Variants in MEGF8 observed in about 807,000 individuals in gnomAD.
MEGF8 encodes the protein multiple EGF like domains 8, also known as multiple epidermal growth factor-like domains protein 8.
In MEGF8, 156 loss-of-function variants were observed where a neutral mutation model predicts 302.9. The observed-to-expected ratio is 0.52, with a 90% CI of 0.45 to 0.59. The LOEUF is 0.59. Ranked by LOEUF, MEGF8 falls within the 20% of genes least tolerant of loss-of-function variation. The pLI is 0.00. For missense variants in MEGF8, 3,345 were observed against 3,964.5 expected (o/e 0.84, Z 4.20); for synonymous variants, 1,621 against 1,660.5 (o/e 0.98, Z 0.58).
At chr19:42,330,522 T>G (rs1568554287) in intron 1 of MEGF8, among the ~76,000 whole-genome samples, 3 of 152,232 alleles carry the variant, frequency 2.0e-5, no homozygotes, top group South Asian at 4.1e-4. Context: ...AAAGCATGGG[T>G]GGGGTCTGTG....
At chr19:42,338,042 G>C (rs2039156738) in intron 8 of MEGF8, among the ~76,000 whole-genome samples, 3 of 152,030 alleles carry the variant, frequency 2.0e-5, no homozygotes, top group Middle Eastern at 3.4e-3. Flanking sequence ...CTGACCTCAA[G>C]TGATCCTCCC....
At position 42,359,199 on chromosome 19, in the gene MEGF8, C is replaced by T. The variant is rs1327025493; in HGVS notation, c.5445C>T (p.Leu1815=). Residue 1815 remains leucine, a synonymous_variant, in exon 31 of 42, where the codon CTC becomes CTT. Transcript: ENST00000251268. Reference sequence around the variant, plus strand: ...ACGAGTTCAGCAGCGACGTTCTGCTCTACCAGGTCAACTGCAATGCCTGGC... The same window carrying T: ...ACGAGTTCAGCAGCGACGTTCTGCTTTACCAGGTCAACTGCAATGCCTGGC... The part of the protein sequence containing the change: ...DPDEFSSDVL[L]YQVNCNAWLL... 6.2e-7 allele frequency: 1 copy of T among 1,601,166 alleles called. No individual in the cohort carries two copies. The highest frequency in any genetic ancestry group is 2.2e-5 in the East Asian group (1 of 44,548).
In MEGF8 at chr19:42,368,749, A is replaced by G; in HGVS notation, c.6481+87A>G. 1 of 1,555,694 alleles carries G rather than the reference A, an allele frequency of 6.4e-7. No homozygotes were observed. Among genetic ancestry groups the G allele is most frequent in the Non-Finnish European group, 8.7e-7 (1 of 1,151,528 alleles). On this transcript the variant is annotated intron_variant, in intron 36 of 41. Coordinates refer to ENST00000251268, the MANE Select transcript of MEGF8 (RefSeq NM_001271938.2). The surrounding 1 kb of genome is among the most constrained non-coding windows in gnomAD (Gnocchi z 4.9). ...AACATAGGGATACTGGGCCAGACCC[A>G]GAGGTGGGGCTCAGAGGAGGCAGGA...
At chr19:42,346,984 C>CAAAAAAAAAAAAAA (rs767117534) in intron 12 of MEGF8, among the ~76,000 whole-genome samples, 1 of 49,806 alleles carries the variant, frequency 2.0e-5, no homozygotes, top group South Asian at 7.1e-4. Context: ...GACTCTGTCT[C>CAAAAAAAAAAAAAA]AAAAAAAAAA....
chr19:42,358,689 GT>G lies in MEGF8; in HGVS notation c.5176-95del. 7.2e-7 allele frequency: 1 copy of G among 1,379,772 alleles called. No homozygotes were observed. Among genetic ancestry groups the G allele is most frequent in the African/African-American group, 1.5e-5 (1 of 68,292 alleles). The allele number at this position is 1,379,772 out of a possible 1,614,324, so 85.5% of individuals were successfully genotyped here. A position where few individuals can be genotyped will look rare whatever the true frequency, so the allele number is the denominator to read the frequency against. On this transcript the variant is annotated intron_variant, in intron 29 of 41. Transcript: ENST00000251268. The surrounding 1 kb of genome is among the most constrained non-coding windows in gnomAD (Gnocchi z 4.4). ...TCTGCACTGGTTAGAGAGGCTGGTG[GT>G]TTCAGTCCACACGTTTCCAAGCCCG... is the stretch of plus-strand genomic sequence containing the variant.
intron 32 of MEGF8, 66 bp from the exon 33 acceptor site, chr19:42,362,024 A>G: frequency 6.3e-7 from 1 of 1,585,954 alleles, no homozygotes. Flanking sequence ...CCTGCAGGAC[A>G]GTGTCTGGGA....
chr19:42,336,364 T>C lies in MEGF8; in HGVS notation c.1244+18T>C. ...ACTGCCCGGTAAGTGACCTGTCCCA[T>C]AACCCATGCTCCACAGGCCAGGCCC... is the stretch of plus-strand genomic sequence containing the variant. On this transcript the variant is annotated intron_variant, in intron 6 of 41. Coordinates refer to ENST00000251268, the MANE Select transcript of MEGF8 (RefSeq NM_001271938.2). The surrounding 1 kb of genome is among the most constrained non-coding windows in gnomAD (Gnocchi z 4.8). 6.4e-7 allele frequency: 1 copy of C among 1,570,958 alleles called. No individual in the cohort carries two copies. Among genetic ancestry groups the C allele is most frequent in the South Asian group, 1.2e-5 (1 of 85,648 alleles).
chr19:42,335,109 G>A lies in MEGF8; in HGVS notation c.633G>A (p.Gly211=), dbSNP rs1459456873. The change falls in exon 4 of 42, where the codon GGG becomes GGA. Residue 211 remains glycine (G), a synonymous_variant. Transcript: ENST00000251268. ...ACCTGCACCTGTGGGAGAACCAGGG[G>A]GCTGGGTGGTGGCACAACGTGAGTG... ...ACDLHLWENQ[G]AGWWHNVSAR... 2.5e-6 allele frequency: 4 copies of A among 1,613,928 alleles called. No homozygotes were observed. Among genetic ancestry groups the A allele is most frequent in the Middle Eastern group, 1.6e-4 (1 of 6,062 alleles).
chr19:42,332,751 A>G (rs1465215443), intron 1 of MEGF8, among the ~76,000 whole-genome samples: 1 of 152,192 alleles, frequency 6.6e-6, no homozygotes, highest in Non-Finnish European at 1.5e-5. Flanking sequence ...TCTTCTTATG[A>G]TCTAGCCTTG....
chr19:42,330,410 A>C (rs1172220786), intron 1 of MEGF8, among the ~76,000 whole-genome samples: 1 of 152,166 alleles, frequency 6.6e-6, no homozygotes, highest in East Asian at 1.9e-4. Context: ...ACAAAGATGT[A>C]CTTGTGATTC....
At chr19:42,343,771 C>G in intron 9 of MEGF8, 140 bp downstream of exon 9, 1 of 1,366,986 alleles carries the variant, frequency 7.3e-7, no homozygotes, top group South Asian at 1.5e-5. Context: ...AAGGAGGTCC[C>G]TGGGGCAGAG....
rs111865089 is a variant in MEGF8 at position 42,334,212 on chromosome 19, C to G, written c.557C>G (p.Ser186Trp). The change falls in exon 3 of 42, where the codon TCG becomes TGG. Residue 186 changes from serine to tryptophan, a missense_variant and splice_region_variant. Ser to Trp is a radical substitution (Grantham distance 177, BLOSUM62 -3). Coordinates refer to ENST00000251268, the MANE Select transcript of MEGF8 (RefSeq NM_001271938.2). ...TGTGGCAGCCACGGCACCTGCGCCT[C>G]GGTGAGCCGGTCCCCAGCCCTGTTT... ...AYCGSHGTCA[S>W]PLGPCRCEPG... is the part of the protein sequence containing the mutation. 3 of 1,589,828 alleles carry G rather than the reference C, an allele frequency of 1.9e-6. No individual in the cohort carries two copies. The highest frequency in any genetic ancestry group is 2.6e-6 in the Non-Finnish European group (3 of 1,167,508).
chr19:42,350,189 C>G lies in MEGF8; in HGVS notation c.2541C>G (p.Ser847=). Residue 847 remains serine (S), a synonymous_variant, in exon 15 of 42, where the codon TCC becomes TCG. Transcript: ENST00000251268. ...TCCTGGAGCCCTACCGCTCGTCGTC[C>G]TGCACCTCCTATTCTTCCTGCCTGG... ...FFFLEPYRSS[S]CTSYSSCLGC... is the part of the protein sequence containing the mutation. 1.2e-6 allele frequency: 2 copies of G among 1,613,786 alleles called. No individual in the cohort carries two copies. Among genetic ancestry groups the G allele is most frequent in the Non-Finnish European group, 1.7e-6 (2 of 1,179,826 alleles).
rs2147511164 is a variant in MEGF8 at position 42,370,934 on chromosome 19, C to T, written c.7136+103C>T. 8.5e-6 allele frequency: 5 copies of T among 588,324 alleles called. No homozygotes were observed. In the East Asian group the frequency reaches 1.5e-4, roughly 18 times the overall value. The allele number at this position is 588,324 out of a possible 1,614,324, so 36.4% of individuals were successfully genotyped here. A position where few individuals can be genotyped will look rare whatever the true frequency, so the allele number is the denominator to read the frequency against. On this transcript the variant is annotated intron_variant, in intron 40 of 41. Coordinates refer to ENST00000251268, the MANE Select transcript of MEGF8 (RefSeq NM_001271938.2). ...CTGGAGCCAGGCCCCCTCTTTAGTCCTCCACCCCCAGTCAGGAGAGGATGA... is the reference window on the plus strand; with the variant it reads ...CTGGAGCCAGGCCCCCTCTTTAGTCTTCCACCCCCAGTCAGGAGAGGATGA...
At chr19:42,370,671 T>G in intron 39 of MEGF8, 30 bp from the exon 40 acceptor site, 2 of 1,582,242 alleles carry the variant, frequency 1.3e-6, no homozygotes, top group Non-Finnish European at 1.7e-6. Flanking sequence ...TCCAGGCCTT[T>G]CTATGATCAC....
chr19:42,361,377 C>T (rs2039530035), intron 32 of MEGF8, among the ~76,000 whole-genome samples: 1 of 152,196 alleles, frequency 6.6e-6, no homozygotes, highest in Non-Finnish European at 1.5e-5. Context: ...GCTGCGGTTC[C>T]AGGAATGCAG....
rs1038210662 is a variant in MEGF8, at chr19:42,356,451, C to T, written c.4620C>T (p.Tyr1540=). The stretch of plus-strand genomic sequence containing the variant: ...CCCAGGGGCTGCTGGGAAACCTGTA[C>T]AGGTGAGGACTGCCCTGGGCAGGTG... ...GLPQGLLGNL[Y]RYSVSERRWT... Residue 1540 remains tyrosine (Y), a splice_region_variant and synonymous_variant, in exon 26 of 42, where the codon TAC becomes TAT. Coordinates refer to ENST00000251268, the MANE Select transcript of MEGF8 (RefSeq NM_001271938.2). The surrounding 1 kb of genome is among the most constrained non-coding windows in gnomAD (Gnocchi z 5.2). 1.3e-6 allele frequency: 2 copies of T among 1,591,418 alleles called. No individual in the cohort carries two copies. The highest frequency in any genetic ancestry group is 1.7e-6 in the Non-Finnish European group (2 of 1,170,532).
rs958525227 is a variant in MEGF8, at chr19:42,354,635, T to C, written c.4059T>C (p.Thr1353=). 1 of 1,612,970 alleles carries C rather than the reference T, an allele frequency of 6.2e-7. No individual in the cohort carries two copies. Among genetic ancestry groups the C allele is most frequent in the African/African-American group, 1.3e-5 (1 of 75,004 alleles). Residue 1353 remains threonine (T), a synonymous_variant, in exon 23 of 42, where the codon ACT becomes ACC. Transcript: ENST00000251268. This position sits in a 1 kb window ranked among gnomAD's most constrained non-coding sequence, Gnocchi z 4.3. ...AFDGFPRFLD[T]GVVQSDRSLI... The stretch of plus-strand genomic sequence containing the variant: ...ATGGATTCCCACGCTTCCTGGACAC[T>C]GGTGTTGTCCAGTCGGACCGCAGCC...
At chr19:42,345,333 A>G (rs1377018125) in intron 12 of MEGF8, among the ~76,000 whole-genome samples, 1 of 152,244 alleles carries the variant, frequency 6.6e-6, no homozygotes, top group Non-Finnish European at 1.5e-5. Context: ...ATTTTTCATC[A>G]GTGACATTTA....
Sources: gnomAD v4.1 joint callset for allele counts (sites outside exome capture counted in the v4.1 genomes callset) on GRCh38, gnomAD v4.1.1 for gene constraint, Gnocchi (gnomAD v3.1) non-coding constraint, MANE v1.5 for transcripts, NCBI Gene and HGNC (gene_info 2026-07-23, HGNC 2026-07-21) for gene names.